PPP6R2: variants seen among roughly 807,000 people sequenced by gnomAD.
The protein encoded by PPP6R2 is protein phosphatase 6 regulatory subunit 2, also known as serine/threonine-protein phosphatase 6 regulatory subunit 2.
In PPP6R2, 62 loss-of-function variants were observed where a neutral mutation model predicts 100.2. That is an observed-to-expected ratio of 0.62 (90% CI 0.50 to 0.76). The LOEUF is 0.76. Ranked by LOEUF, PPP6R2 falls within the 30% of genes least tolerant of loss-of-function variation. The probability of loss-of-function intolerance (pLI) is 0.00; values close to 1 mark genes in which losing one functional copy is unlikely to be tolerated. For missense variants in PPP6R2, 1,142 were observed against 1,276.3 expected (o/e 0.89, Z 1.60); for synonymous variants, 525 against 514.7 (o/e 1.02, Z -0.27).
Position 50,438,619 on chromosome 22 carries a change from C to G in PPP6R2, c.1985C>G (p.Ser662Ter). Reference sequence around the variant, plus strand: ...CCCAGGTTTGGAGCCCCCCATGCTTCAGAGAGTTGCTCAAAGAATGGCCCA... The same window carrying G: ...CCCAGGTTTGGAGCCCCCCATGCTTGAGAGAGTTGCTCAAAGAATGGCCCA... The part of the protein sequence containing the change: ...ARPRFGAPHA[S>*]ESCSKNGPER... The change falls in exon 19 of 24, where the codon TCA becomes TGA. Residue 662 changes from serine (S) to a stop codon, truncating the protein, a stop_gained. Coordinates refer to ENST00000612753, the MANE Select transcript of PPP6R2 (RefSeq NM_001242898.2). LOFTEE classifies it high-confidence loss of function. 1 of 1,614,000 alleles carries G rather than the reference C, an allele frequency of 6.2e-7. No homozygotes were observed. The highest frequency in any genetic ancestry group is 1.1e-5 in the South Asian group (1 of 91,082).
At chr22:50,370,517 G>A (rs988039663) in intron 1 of PPP6R2, among the ~76,000 whole-genome samples, 2 of 151,834 alleles carry the variant, frequency 1.3e-5, no homozygotes, top group African/African-American at 2.4e-5. Context: ...TCGAATGCCT[G>A]ACCTCGTGAT....
At chr22:50,399,685 G>A (rs2057706699) in intron 3 of PPP6R2, among the ~76,000 whole-genome samples, 1 of 152,236 alleles carries the variant, frequency 6.6e-6, no homozygotes, top group Non-Finnish European at 1.5e-5. Context: ...TAAAGCCAGG[G>A]GCTGCTCCAG....
intron 2 of PPP6R2, among the ~76,000 whole-genome samples, chr22:50,392,316 A>G (rs2055763567): frequency 1.3e-5 from 2 of 150,960 alleles, no homozygotes; most frequent in South Asian, 4.3e-4. Flanking sequence ...AACCTGGGCA[A>G]CATAGTGAAT....
intron 1 of PPP6R2, among the ~76,000 whole-genome samples, chr22:50,370,771 T>C (rs892481138): frequency 1.4e-4 from 22 of 152,050 alleles, no homozygotes; most frequent in South Asian, 4.1e-4. Flanking sequence ...GTAGCTGGGA[T>C]TACAGGCGCC....
At chr22:50,404,527 C>T (rs2058536790) in intron 3 of PPP6R2, among the ~76,000 whole-genome samples, 2 of 151,916 alleles carry the variant, frequency 1.3e-5, no homozygotes, top group African/African-American at 2.4e-5. Flanking sequence ...GCCATCCTGC[C>T]ACCTCAGCCT....
upstream of PPP6R2, among the ~76,000 whole-genome samples, chr22:50,342,420 C>T (rs1446323590): frequency 6.6e-6 from 1 of 152,234 alleles, no homozygotes; most frequent in African/African-American, 2.4e-5. Flanking sequence ...GGACAGGCGT[C>T]GGGGAAGCCC....
At chr22:50,333,184 A>G in the PPP6R2 span, among the ~76,000 whole-genome samples, 2 of 152,082 alleles carry the variant, frequency 1.3e-5, no homozygotes, top group Non-Finnish European at 2.9e-5. Context: ...AAAAAAATCA[A>G]TCGATGATAA....
At chr22:50,400,041 ACT>A (rs1309207789) in intron 3 of PPP6R2, among the ~76,000 whole-genome samples, 3 of 152,230 alleles carry the variant, frequency 2.0e-5, no homozygotes, top group Admixed American at 6.5e-5. Flanking sequence ...GTCATTTATA[ACT>A]CTGAGCTGTG....
intron 3 of PPP6R2, among the ~76,000 whole-genome samples, chr22:50,399,228 T>A (rs965980446): frequency 3.9e-5 from 6 of 152,104 alleles, no homozygotes; most frequent in Non-Finnish European, 7.4e-5. Context: ...GGAGAAGATA[T>A]AAATATATAT....
In PPP6R2 at chr22:50,393,875, CT is replaced by C; in HGVS notation, c.-16-15del. On this transcript the variant is annotated splice_polypyrimidine_tract_variant and intron_variant, in intron 2 of 23. Transcript: ENST00000612753. ...TTTGCAAGGGTGAGAGACGTGACCC[CT>C]TTGCCCTCGTTTGCAGCTCTGCGGC... The C allele has an allele frequency of 1.2e-6, 2 of 1,613,684 alleles. No homozygotes were observed. The highest frequency in any genetic ancestry group is 2.2e-5 in the South Asian group (2 of 91,044).
chr22:50,425,945 T>C (rs966232428), intron 10 of PPP6R2, among the ~76,000 whole-genome samples: 3 of 151,880 alleles, frequency 2.0e-5, no homozygotes, highest in Admixed American at 6.6e-5. Flanking sequence ...ATCAGATATA[T>C]GCAAATATTT....
rs2148524110 is a variant in PPP6R2, at chr22:50,444,389, C to A, written c.*142C>A. ...GCATTGGTAAAGCTGGCAGTTGAAA[C>A]CAGTTGGACGGCCCAGCTTGCGTCT... On this transcript the variant is annotated 3_prime_UTR_variant, in exon 24 of 24. Coordinates refer to ENST00000612753, the MANE Select transcript of PPP6R2 (RefSeq NM_001242898.2). 1 of 1,137,476 alleles carries A rather than the reference C, an allele frequency of 8.8e-7. No individual in the cohort carries two copies. Among genetic ancestry groups the A allele is most frequent in the African/African-American group, 1.6e-5 (1 of 63,136 alleles). 70.5% of individuals were successfully genotyped at this position (1,137,476 alleles called of 1,614,324 possible). A position where few individuals can be genotyped will look rare whatever the true frequency, so the allele number is the denominator to read the frequency against.
rs532962906 is a variant in PPP6R2 at position 50,359,439 on chromosome 22, G to A, written c.-147-12581G>A. On this transcript the variant is annotated intron_variant, in intron 1 of 23. Transcript: ENST00000612753. ...TTGCCGTGTTAGCCAGGATGGTCTC[G>A]ATCTCCTGACCTTGTGATCTGCCCG... Among the ~76,000 whole-genome samples the A allele has an allele frequency of 1.5e-3, 226 of 152,098 alleles. 1 individual carries two copies. The highest frequency in any genetic ancestry group is 4.0e-3 in the African/African-American group (167 of 41,508).
intron 1 of PPP6R2, among the ~76,000 whole-genome samples, chr22:50,353,822 T>C (rs1283603764): frequency 6.6e-6 from 1 of 151,836 alleles, no homozygotes; most frequent in East Asian, 1.9e-4. Context: ...TCTCCCTTTT[T>C]TTTTTTTTTT....
At chr22:50,415,681 C>T (rs552924467) in intron 5 of PPP6R2, among the ~76,000 whole-genome samples, 1 of 152,212 alleles carries the variant, frequency 6.6e-6, no homozygotes, top group Admixed American at 6.5e-5. Context: ...CCACAGTGTT[C>T]GTGTAGCCTC....
At chr22:50,420,891 C>T (rs1279498536) in intron 8 of PPP6R2, among the ~76,000 whole-genome samples, 2 of 152,226 alleles carry the variant, frequency 1.3e-5, no homozygotes, top group East Asian at 1.9e-4. Context: ...CCGTCGTCTC[C>T]GTTCCATCAC....
At chr22:50,379,316 T>C (rs1345246844) in intron 2 of PPP6R2, among the ~76,000 whole-genome samples, 2 of 150,958 alleles carry the variant, frequency 1.3e-5, no homozygotes, top group African/African-American at 4.9e-5. Context: ...GGTGATGTGG[T>C]GAAACCCCGT....
At chr22:50,355,293 A>T (rs2148188422) in intron 1 of PPP6R2, among the ~76,000 whole-genome samples, 1 of 145,248 alleles carries the variant, frequency 6.9e-6, no homozygotes. Flanking sequence ...GCTGGAGTGC[A>T]GCGGCGTGAT....
chr22:50,444,068 A>T lies in PPP6R2; in HGVS notation c.2782A>T (p.Thr928Ser), dbSNP rs772423944. 11 of 1,612,662 alleles carry T rather than the reference A, an allele frequency of 6.8e-6. No individual in the cohort carries two copies. The Admixed American group carries it at 1.5e-4, about 22-fold the overall frequency. ...AVPLGPIMAV[T>S]AAPAMVATLG... ...CCCCCTAGGGCCCATCATGGCAGTCACAGCAGCCCCAGCCATGGTGGCCAC... is the reference window on the plus strand; with the variant it reads ...CCCCCTAGGGCCCATCATGGCAGTCTCAGCAGCCCCAGCCATGGTGGCCAC... Residue 928 changes from threonine (T) to serine (S), a missense_variant, in exon 23 of 24, where the codon ACA becomes TCA. This residue lies in a region of PPP6R2 where 550 missense variants were observed against 517.4 expected (regional missense o/e 1.06). Coordinates refer to ENST00000612753, the MANE Select transcript of PPP6R2 (RefSeq NM_001242898.2).
Sources: allele counts gnomAD v4.1 joint callset (sites outside exome capture counted in the v4.1 genomes callset), GRCh38; gene constraint gnomAD v4.1.1; regional missense constraint gnomAD v4.1.1; transcripts MANE v1.5; gene names NCBI Gene and HGNC (gene_info 2026-07-23, HGNC 2026-07-21).